FUS: variants seen among roughly 807,000 people sequenced by gnomAD.
FUS encodes FUS RNA binding protein.
A neutral mutation model predicts 82.7 loss-of-function variants in FUS; 5 were observed. That is an observed-to-expected ratio of 0.06 (90% CI 0.03 to 0.13). FUS has a LOEUF of 0.13. Ranked by LOEUF, FUS falls within the 10% of genes least tolerant of loss-of-function variation. The probability of loss-of-function intolerance (pLI) is 1.00; values close to 1 mark genes in which losing one functional copy is unlikely to be tolerated. For synonymous variants in FUS, 281 were observed against 247.4 expected (o/e 1.14, Z -1.27); for missense variants, 512 against 707.8 (o/e 0.72, Z 3.14).
chr16:31,193,802 A>C (rs1306134417), downstream of FUS: 1 of 513,192 alleles, frequency 1.9e-6, no homozygotes, highest in South Asian at 1.6e-5. Context: ...ACACCTGGGT[A>C]ATTTTTTTTT....
At chr16:31,185,964 G>C (rs2079263272) in intron 6 of FUS, 2 of 236,620 alleles carry the variant, frequency 8.5e-6, no homozygotes, top group African/African-American at 2.2e-5. Context: ...CCTTGAAAAA[G>C]GGGAGGAATG....
intron 8 of FUS, 23 bp from the exon 9 acceptor site, chr16:31,189,100 C>T: frequency 6.4e-7 from 1 of 1,565,142 alleles, no homozygotes. Context: ...TTCACATTTG[C>T]ATTTTCTCTG....
At chr16:31,192,690 G>T (rs1222383621), downstream of FUS, 4 of 480,756 alleles carry the variant, frequency 8.3e-6, no homozygotes, top group Non-Finnish European at 1.6e-5. Context: ...GAGAATCCCA[G>T]CTTCTGAGTA....
At chr16:31,181,130 G>T (rs2079170485) in intron 1 of FUS, among the ~76,000 whole-genome samples, 1 of 152,148 alleles carries the variant, frequency 6.6e-6, no homozygotes, top group Non-Finnish European at 1.5e-5. Context: ...GGTCAGGCTG[G>T]TCTCGAACTG....
chr16:31,182,795 C>T (rs1403954199), intron 3 of FUS, 131 bp downstream of exon 3: 1 of 1,097,490 alleles, frequency 9.1e-7, no homozygotes, highest in Admixed American at 1.8e-5. Flanking sequence ...CAGCTCACTG[C>T]AACATCAGCC....
rs1307257028 is a variant in FUS at position 31,191,401 on chromosome 16, G to T, written c.1544G>T (p.Gly515Val). ...GFGPGKMDSR[G>V]EHRQDRRERP... The stretch of plus-strand genomic sequence containing the variant: ...AATTTTTTTTTTTTTTTTTGCAGGG[G>T]TGAGCACAGACAGGATCGCAGGGAG... The change falls in exon 15 of 15, where the codon GGT (glycine) becomes GTT (valine). Residue 515 changes from glycine (G) to valine (V), a missense_variant and splice_region_variant. Around this residue, in one of 6 missense-constraint regions of FUS, gnomAD observed 96 missense variants for 120.7 expected, o/e 0.80. Transcript: ENST00000254108. 5 of 1,611,680 alleles carry T rather than the reference G, an allele frequency of 3.1e-6. No individual in the cohort carries two copies. Among genetic ancestry groups the T allele is most frequent in the African/African-American group, 1.3e-5 (1 of 74,296 alleles).
chr16:31,185,399 T>G, intron 6 of FUS: 2 of 642,654 alleles, frequency 3.1e-6, no homozygotes, highest in Non-Finnish European at 5.5e-6. Context: ...AATAGAGATT[T>G]TGAGTAATGA....
rs1426320247 is a variant in FUS, at chr16:31,185,563, G to A, written c.764+384G>A. 1.3e-5 allele frequency: 7 copies of A among 540,908 alleles called. 1 individual carries two copies. Among genetic ancestry groups the A allele is most frequent in the South Asian group, 1.1e-4 (7 of 65,300 alleles). 33.5% of individuals were successfully genotyped at this position (540,908 alleles called of 1,614,324 possible). ...GAAATAGTAGGGAAACTTGGTATGTGTATTCCCATGTGTCCTCTAGGGAGT... is the reference window on the plus strand; with the variant it reads ...GAAATAGTAGGGAAACTTGGTATGTATATTCCCATGTGTCCTCTAGGGAGT... On this transcript the variant is annotated intron_variant, in intron 6 of 14. Transcript: ENST00000254108.
At chr16:31,194,870 AAT>A, downstream of FUS, 1 of 473,280 alleles carries the variant, frequency 2.1e-6, no homozygotes, top group Non-Finnish European at 4.2e-6. Flanking sequence ...ATTCAGTAAG[AAT>A]AGTGTGTTCT....
intron 9 of FUS, 23 bp downstream of exon 9, chr16:31,189,249 G>A: frequency 6.6e-7 from 1 of 1,506,496 alleles, no homozygotes; most frequent in Non-Finnish European, 9.2e-7. Flanking sequence ...AGGAGTGGGA[G>A]CTTTCTGTCA....
downstream of FUS, chr16:31,193,248 C>A (rs886051950): frequency 1.2e-5 from 6 of 505,612 alleles, no homozygotes; most frequent in Non-Finnish European, 2.3e-5. Flanking sequence ...CTTCCCCTGC[C>A]AGCATTGGGG....
downstream of FUS, chr16:31,194,075 G>C (rs1420709372): frequency 1.9e-6 from 1 of 534,308 alleles, no homozygotes; most frequent in Non-Finnish European, 3.6e-6. Context: ...CTGTAGGTCT[G>C]TTTGTCCCTT....
chr16:31,194,518 G>A (rs1311629526), downstream of FUS: 3 of 499,416 alleles, frequency 6.0e-6, no homozygotes, highest in African/African-American at 5.8e-5. Flanking sequence ...GGCTGGTCTG[G>A]TCTCAAAACT....
At position 31,190,775 on chromosome 16, in the gene FUS, T is replaced by C; in HGVS notation, c.1326T>C (p.Asn442=). ...TCENMNFSWR[N]ECNQCKAPKP... Reference sequence around the variant, plus strand: ...AGAATATGAACTTCTCTTGGAGGAATGAATGCAACCAGTGTAAGGCCCCTA... The same window carrying C: ...AGAATATGAACTTCTCTTGGAGGAACGAATGCAACCAGTGTAAGGCCCCTA... The change falls in exon 13 of 15, where the codon AAT becomes AAC. Residue 442 remains asparagine (N), a synonymous_variant. Coordinates refer to ENST00000254108, the MANE Select transcript of FUS (RefSeq NM_004960.4). 1.2e-6 allele frequency: 2 copies of C among 1,614,176 alleles called. No individual in the cohort carries two copies. Among genetic ancestry groups the C allele is most frequent in the Non-Finnish European group, 1.7e-6 (2 of 1,180,032 alleles).
intron 3 of FUS, chr16:31,183,085 A>G (rs2144103981): frequency 3.6e-6 from 1 of 274,358 alleles, no homozygotes; most frequent in Non-Finnish European, 7.2e-6. Context: ...ACAGTGTATA[A>G]GTCTTAAAAC....
rs2079300452 is a variant in FUS, at chr16:31,188,273, TC to T, written c.800-51del. ...TTTTTTCCTGTTGACTAACGGCTCATCTTTTCCTTGTTTTTGTTTTTTTTTT... is the reference window on the plus strand; with the variant it reads ...TTTTTTCCTGTTGACTAACGGCTCATTTTTCCTTGTTTTTGTTTTTTTTTT... On this transcript the variant is annotated intron_variant, in intron 7 of 14. Coordinates refer to ENST00000254108, the MANE Select transcript of FUS (RefSeq NM_004960.4). The T allele has an allele frequency of 3.1e-6, 5 of 1,595,578 alleles. No individual in the cohort carries two copies. In the East Asian group the frequency reaches 1.1e-4, roughly 36 times the overall value.
At chr16:31,192,329 T>C (rs1255841996), downstream of FUS, 1 of 527,086 alleles carries the variant, frequency 1.9e-6, no homozygotes, top group Non-Finnish European at 3.7e-6. Flanking sequence ...AGTTAAAACC[T>C]TAGAGCAGTG....
chr16:31,180,323 G>T (rs561386816), intron 1 of FUS, 96 bp downstream of exon 1: 207 of 1,496,114 alleles, frequency 1.4e-4, no homozygotes, highest in Non-Finnish European at 1.8e-4. Context: ...GCGATCCCGT[G>T]TGGGATTTTT....
intron 3 of FUS, 34 bp downstream of exon 3, chr16:31,182,698 T>A: frequency 6.2e-7 from 1 of 1,613,658 alleles, no homozygotes; most frequent in Non-Finnish European, 8.5e-7. Context: ...CTCTTCCTAC[T>A]CTTTCTGAAT....
Sources: gnomAD v4.1 joint callset for allele counts (sites outside exome capture counted in the v4.1 genomes callset) on GRCh38, gnomAD v4.1.1 for gene constraint, gnomAD v4.1.1 regional missense constraint, MANE v1.5 for transcripts, NCBI Gene and HGNC (gene_info 2026-07-23, HGNC 2026-07-21) for gene names.